The following ABCC1 variants were observed in gnomAD, a reference collection of about 807,000 sequenced individuals.
ABCC1 encodes the protein ATP binding cassette subfamily C member 1 (ABCC1 blood group).
ABCC1 carries 83 observed loss-of-function variants against 172.9 expected under a neutral mutation model. The observed-to-expected ratio is 0.48, with a 90% confidence interval of 0.40 to 0.58. ABCC1 has a LOEUF of 0.58. Among genes scored for constraint, ABCC1 ranks in the 20% least tolerant of loss-of-function variants. The pLI is 0.00. For missense variants in ABCC1, 1,817 were observed against 2,002.7 expected (o/e 0.91, Z 1.77); for synonymous variants, 937 against 825.2 (o/e 1.14, Z -2.32).
chr16:16,053,622 A>G (rs2049520166), intron 11 of ABCC1, among the ~76,000 whole-genome samples: 1 of 151,544 alleles, frequency 6.6e-6, no homozygotes, highest in Non-Finnish European at 1.5e-5. Flanking sequence ...ACCTGTCTCT[A>G]CCAAAAATGG....
Position 16,142,217 on chromosome 16 carries a change from T to G in ABCC1, c.*936T>G, listed in dbSNP as rs2152194653. 1 of 152,320 alleles carries G rather than the reference T, an allele frequency of 6.6e-6. No individual in the cohort carries two copies. Among genetic ancestry groups the G allele is most frequent in the South Asian group, 2.1e-4 (1 of 4,826 alleles). The allele number at this position is 152,320 out of a possible 1,614,324, so 9.4% of individuals were successfully genotyped here. A position where few individuals can be genotyped will look rare whatever the true frequency, so the allele number is the denominator to read the frequency against. ...ATGGGAATTTGACCTTGACTAGAAA[T>G]AGAGACTGAGAGTGAGCAACCAGCT... On this transcript the variant is annotated 3_prime_UTR_variant, in exon 31 of 31. Coordinates refer to ENST00000399410, the MANE Select transcript of ABCC1 (RefSeq NM_004996.4).
intron 12 of ABCC1, among the ~76,000 whole-genome samples, chr16:16,061,643 T>C (rs1312998289): frequency 6.6e-6 from 1 of 152,234 alleles, no homozygotes; most frequent in Non-Finnish European, 1.5e-5. Context: ...CACGTCTGTA[T>C]CACTGTAATG....
At chr16:16,084,494 G>C (rs2050931970) in intron 17 of ABCC1, among the ~76,000 whole-genome samples, 1 of 148,674 alleles carries the variant, frequency 6.7e-6, no homozygotes, top group African/African-American at 2.5e-5. Flanking sequence ...CTCTTGAATA[G>C]CTGGGACTAC....
In ABCC1 at chr16:16,068,243, T is replaced by C. The variant is rs2050190305; in HGVS notation, c.1765T>C (p.Phe589Leu). ...GACAGCCTTCGTGTCTTTGGCCTTGTTCAACATCCTCCGGTTTCCCCTGAA... is the reference window on the plus strand; with the variant it reads ...GACAGCCTTCGTGTCTTTGGCCTTGCTCAACATCCTCCGGTTTCCCCTGAA... ...AQTAFVSLAL[F>L]NILRFPLNIL... is the part of the protein sequence containing the mutation. Residue 589 changes from phenylalanine (F) to leucine (L), a missense_variant, in exon 13 of 31, where the codon TTC (phenylalanine) becomes CTC (leucine). Phe to Leu is a conservative substitution (Grantham distance 22). Around this residue, in one of 3 missense-constraint regions of ABCC1, gnomAD observed 1,412 missense variants for 1,600.3 expected, o/e 0.88. Transcript: ENST00000399410. 5.0e-6 allele frequency: 8 copies of C among 1,614,034 alleles called. No individual in the cohort carries two copies. Among genetic ancestry groups the C allele is most frequent in the South Asian group, 1.1e-5 (1 of 91,088 alleles).
chr16:16,008,730 C>T (rs1156492853), intron 2 of ABCC1, among the ~76,000 whole-genome samples: 1 of 150,540 alleles, frequency 6.6e-6, no homozygotes, highest in East Asian at 2.0e-4. Flanking sequence ...GTAATCTTAG[C>T]AACTTGGGAG....
At chr16:16,105,957 A>G (rs559870145) in intron 20 of ABCC1, among the ~76,000 whole-genome samples, 5 of 150,246 alleles carry the variant, frequency 3.3e-5, no homozygotes, top group African/African-American at 9.8e-5. Context: ...GCTCACTGCA[A>G]TTTCTGCCTC....
chr16:16,005,992 A>ACCCAG (rs1292370386), intron 1 of ABCC1, among the ~76,000 whole-genome samples: 1 of 150,302 alleles, frequency 6.7e-6, no homozygotes, highest in African/African-American at 2.5e-5. Flanking sequence ...AGACTCTGTC[A>ACCCAG]AGAAAAAAAA....
rs1189457544 is a variant in ABCC1 at position 16,052,803 on chromosome 16, C to G, written c.1460C>G (p.Thr487Ser). 1 of 1,614,152 alleles carries G rather than the reference C, an allele frequency of 6.2e-7. No homozygotes were observed. The highest frequency in any genetic ancestry group is 1.7e-5 in the Admixed American group (1 of 60,024). Residue 487 changes from threonine (T) to serine (S), a missense_variant, in exon 11 of 31, where the codon ACC becomes AGC. By Grantham distance (58) the Thr-to-Ser change is moderately conservative. Coordinates refer to ENST00000399410, the MANE Select transcript of ABCC1 (RefSeq NM_004996.4). The stretch of plus-strand genomic sequence containing the variant: ...GTCAATGCTGTGATGGCGATGAAGA[C>G]CAAGACGTATCAGGTAAGGCATGTG... ...VPVNAVMAMK[T>S]KTYQVAHMKS...
At chr16:16,111,797 G>A (rs565751514) in intron 22 of ABCC1, among the ~76,000 whole-genome samples, 1 of 152,280 alleles carries the variant, frequency 6.6e-6, no homozygotes, top group Admixed American at 6.5e-5. Flanking sequence ...TAGACGGGAG[G>A]AGTGCTCCAG....
chr16:16,099,667 C>A (rs1038298175), intron 19 of ABCC1, among the ~76,000 whole-genome samples: 1 of 152,162 alleles, frequency 6.6e-6, no homozygotes, highest in African/African-American at 2.4e-5. Flanking sequence ...CGGTTCAAAT[C>A]CTGGGAGAGG....
chr16:16,066,146 A>C (rs538306176), intron 12 of ABCC1, among the ~76,000 whole-genome samples: 1 of 151,638 alleles, frequency 6.6e-6, no homozygotes, highest in African/African-American at 2.4e-5. Flanking sequence ...TGGACTTTTC[A>C]TATAAATGGA....
intron 10 of ABCC1, among the ~76,000 whole-genome samples, chr16:16,052,040 A>G (rs1158708311): frequency 6.6e-6 from 1 of 152,132 alleles, no homozygotes; most frequent in Non-Finnish European, 1.5e-5. Flanking sequence ...AGACCAGCTT[A>G]GGCAACATAG....
chr16:16,068,403 C>G, intron 13 of ABCC1, 101 bp downstream of exon 13: 1 of 1,402,372 alleles, frequency 7.1e-7, no homozygotes, highest in Non-Finnish European at 9.8e-7. Flanking sequence ...ATCACACTCC[C>G]GGTCGGGCTC....
chr16:16,136,501 C>T lies in ABCC1; in HGVS notation c.4149C>T (p.Ser1383=). The change falls in exon 29 of 31, where the codon TCC becomes TCT. Residue 1383 remains serine, a synonymous_variant. Coordinates refer to ENST00000399410, the MANE Select transcript of ABCC1 (RefSeq NM_004996.4). ...IPQDPVLFSG[S]LRMNLDPFSQ... ...AGGACCCTGTTTTGTTTTCGGGTTC[C>T]CTCCGAATGAACCTGGACCCATTCA... is the stretch of plus-strand genomic sequence containing the variant. 1.9e-6 allele frequency: 3 copies of T among 1,614,130 alleles called. No individual in the cohort carries two copies. In the Admixed American group the frequency reaches 5.0e-5, roughly 27 times the overall value.
chr16:16,003,604 A>T (rs1370422989), intron 1 of ABCC1, among the ~76,000 whole-genome samples: 1 of 138,350 alleles, frequency 7.2e-6, no homozygotes, highest in Admixed American at 7.1e-5. Flanking sequence ...GAATTGGTGG[A>T]TGGGTAGGTG....
chr16:16,042,312 AC>A (rs1475359172), intron 7 of ABCC1, among the ~76,000 whole-genome samples: 1 of 152,028 alleles, frequency 6.6e-6, no homozygotes, highest in East Asian at 1.9e-4. Flanking sequence ...CTTTGTGATA[AC>A]CCAAACTGGA....
chr16:16,047,602 C>T (rs1055002096), intron 9 of ABCC1, among the ~76,000 whole-genome samples: 11 of 152,014 alleles, frequency 7.2e-5, no homozygotes, highest in Non-Finnish European at 1.0e-4. Context: ...TGTAGTGGGT[C>T]GAGGCCAGGT....
intron 7 of ABCC1, among the ~76,000 whole-genome samples, chr16:16,038,735 G>A (rs1201811333): frequency 6.6e-6 from 1 of 152,124 alleles, no homozygotes; most frequent in Non-Finnish European, 1.5e-5. Context: ...AGCCTCACCT[G>A]CAGCATCCCC....
intron 10 of ABCC1, among the ~76,000 whole-genome samples, chr16:16,049,296 A>G (rs967382136): frequency 5.3e-5 from 8 of 152,128 alleles, no homozygotes; most frequent in South Asian, 2.1e-4. Flanking sequence ...GCTTGGTCCT[A>G]TTCACACCCG....
Sources: gnomAD v4.1 joint callset for allele counts (sites outside exome capture counted in the v4.1 genomes callset) on GRCh38, gnomAD v4.1.1 for gene constraint, gnomAD v4.1.1 regional missense constraint, MANE v1.5 for transcripts, NCBI Gene and HGNC (gene_info 2026-07-23, HGNC 2026-07-21) for gene names.